The following MAGI2 variants were observed in gnomAD, a reference collection of about 807,000 sequenced individuals.
MAGI2 encodes the protein membrane-associated guanylate kinase, WW and PDZ domain-containing protein 2.
A neutral mutation model predicts 133.3 loss-of-function variants in MAGI2; 35 were observed. The ratio of observed to expected loss-of-function variants is 0.26; its 90% confidence interval spans 0.20 to 0.35. The LOEUF (loss-of-function observed/expected upper bound fraction) is 0.35. Ranked by LOEUF, MAGI2 falls within the 10% of genes least tolerant of loss-of-function variation. The probability of loss-of-function intolerance (pLI) is 1.00; values close to 1 mark genes in which losing one functional copy is unlikely to be tolerated. For synonymous variants in MAGI2, 729 were observed against 710.6 expected (o/e 1.03, Z -0.41); for missense variants, 1,636 against 1,863.4 (o/e 0.88, Z 2.25).
chr7:79,069,674 TA>T (rs1436287244), intron 1 of MAGI2, among the ~76,000 whole-genome samples: 1 of 152,238 alleles, frequency 6.6e-6, no homozygotes, highest in African/African-American at 2.4e-5. Context: ...TTTTGCCTGT[TA>T]ATTGATGCAG....
intron 4 of MAGI2, among the ~76,000 whole-genome samples, chr7:78,519,835 T>TTTGCAA (rs1206568971): frequency 9.9e-5 from 15 of 152,154 alleles, no homozygotes; most frequent in African/African-American, 3.4e-4. Context: ...AGTAAGAAAT[T>TTTGCAA]TTGCAAATGT....
chr7:78,777,560 C>G (rs1416441135), intron 2 of MAGI2, among the ~76,000 whole-genome samples: 1 of 152,152 alleles, frequency 6.6e-6, no homozygotes, highest in Non-Finnish European at 1.5e-5. Context: ...TCACCATCAT[C>G]ATCTTTCTCC....
intron 1 of MAGI2, among the ~76,000 whole-genome samples, chr7:79,420,414 A>G (rs1433341601): frequency 2.0e-5 from 3 of 151,912 alleles, no homozygotes; most frequent in Non-Finnish European, 2.9e-5. Flanking sequence ...TTATTATACA[A>G]CCCCGCAGGA....
intron 2 of MAGI2, among the ~76,000 whole-genome samples, chr7:78,673,705 G>T (rs184433358): frequency 6.6e-6 from 1 of 152,064 alleles, no homozygotes; most frequent in South Asian, 2.1e-4. Flanking sequence ...GCGGCGGGGA[G>T]GGGGGCAGGC....
chr7:78,634,285 A>G (rs1809388851), intron 2 of MAGI2, among the ~76,000 whole-genome samples: 1 of 152,224 alleles, frequency 6.6e-6, no homozygotes, highest in Non-Finnish European at 1.5e-5. Flanking sequence ...CTAGGCTGCT[A>G]GAAGGTTTTT....
intron 2 of MAGI2, among the ~76,000 whole-genome samples, chr7:78,672,531 A>C (rs577333520): frequency 6.6e-6 from 1 of 152,312 alleles, no homozygotes; most frequent in East Asian, 1.9e-4. Context: ...ATACCCATTC[A>C]ACCAAGGATC....
chr7:78,145,084 C>A (rs532489661), intron 16 of MAGI2, among the ~76,000 whole-genome samples: 21 of 152,230 alleles, frequency 1.4e-4, no homozygotes, highest in Admixed American at 2.6e-4. Flanking sequence ...TTTTTCAATT[C>A]TTAGTGTTTG....
intron 4 of MAGI2, among the ~76,000 whole-genome samples, chr7:78,504,832 A>C (rs1193149501): frequency 6.6e-6 from 1 of 152,160 alleles, no homozygotes; most frequent in African/African-American, 2.4e-5. Flanking sequence ...ATTACCATGG[A>C]AAACTATGTA....
chr7:78,556,248 T>C (rs191670033), intron 3 of MAGI2, among the ~76,000 whole-genome samples: 3 of 152,318 alleles, frequency 2.0e-5, no homozygotes, highest in East Asian at 1.9e-4. Flanking sequence ...GGTCAACTTA[T>C]GGTTAGGGGC....
At chr7:79,261,399 A>G (rs1232130497) in intron 1 of MAGI2, among the ~76,000 whole-genome samples, 5 of 152,206 alleles carry the variant, frequency 3.3e-5, no homozygotes, top group African/African-American at 1.2e-4. Flanking sequence ...TACAAAGGAT[A>G]CCAAAATATC....
chr7:79,279,917 A>T (rs1399547339), intron 1 of MAGI2, among the ~76,000 whole-genome samples: 1 of 152,242 alleles, frequency 6.6e-6, no homozygotes, highest in Non-Finnish European at 1.5e-5. Context: ...AACAGTGTCA[A>T]ATAAATGCAA....
rs138554518 is a variant in MAGI2, at chr7:78,899,676, G to A, written c.418+107414C>T. Among the ~76,000 whole-genome samples the A allele has an allele frequency of 6.4e-3, 974 of 152,152 alleles. 6 individuals carry two copies. The highest frequency in any genetic ancestry group is 0.023 in the African/African-American group (942 of 41,532). On this transcript the variant is annotated intron_variant, in intron 2 of 21. Coordinates refer to ENST00000354212, the MANE Select transcript of MAGI2 (RefSeq NM_012301.4). ...AGGTGTGAAAAACTACTGACACTCC[G>A]GGTCTCAATCATACAGATCCAAACT...
chr7:78,257,429 C>T (rs559875041), intron 9 of MAGI2, among the ~76,000 whole-genome samples: 4 of 152,246 alleles, frequency 2.6e-5, no homozygotes, highest in Admixed American at 6.5e-5. Context: ...CTTAGATAAA[C>T]TAATATTTCT....
At chr7:78,905,085 T>G (rs1395039807) in intron 2 of MAGI2, among the ~76,000 whole-genome samples, 6 of 152,304 alleles carry the variant, frequency 3.9e-5, no homozygotes, top group South Asian at 4.2e-4. Flanking sequence ...ACATATGCTC[T>G]TGCTGACTTC....
At chr7:78,570,092 T>C (rs1036381812) in intron 3 of MAGI2, among the ~76,000 whole-genome samples, 15 of 152,224 alleles carry the variant, frequency 9.9e-5, no homozygotes, top group Admixed American at 2.0e-4. Context: ...AGAGTTGCTA[T>C]ACCCACTCTT....
chr7:78,224,837 T>A (rs1789206309), intron 10 of MAGI2, among the ~76,000 whole-genome samples: 1 of 152,068 alleles, frequency 6.6e-6, no homozygotes, highest in Non-Finnish European at 1.5e-5. Flanking sequence ...TGAATGGCAT[T>A]TTTGGAAGTC....
intron 2 of MAGI2, among the ~76,000 whole-genome samples, chr7:78,806,810 G>T (rs1049619503): frequency 6.6e-5 from 10 of 151,166 alleles, no homozygotes; most frequent in African/African-American, 2.4e-4. Context: ...TGAAGCTGCA[G>T]TGAGCCATAA....
intron 1 of MAGI2, among the ~76,000 whole-genome samples, chr7:79,448,328 A>T (rs10258463): frequency 0.36 from 54,734 of 151,848 alleles, 10,440 homozygotes; most frequent in African/African-American, 0.49. Flanking sequence ...AACTTGCAAA[A>T]TACTCTATAT....
intron 21 of MAGI2, among the ~76,000 whole-genome samples, chr7:78,042,427 AT>A (rs1448514252): frequency 6.6e-6 from 1 of 151,140 alleles, no homozygotes; most frequent in Admixed American, 6.6e-5. Context: ...GTCTGGTTGA[AT>A]TTTGGGAGTG....
Sources: gnomAD v4.1 joint callset for allele counts (sites outside exome capture counted in the v4.1 genomes callset) on GRCh38, gnomAD v4.1.1 for gene constraint, MANE v1.5 for transcripts, NCBI Gene and HGNC (gene_info 2026-07-23, HGNC 2026-07-21) for gene names.